Variants in TENM2 observed in about 807,000 individuals in gnomAD.
The protein encoded by TENM2 is teneurin transmembrane protein 2, also known as teneurin-2.
TENM2 carries 52 observed loss-of-function variants against 245.2 expected under a neutral mutation model. That is an observed-to-expected ratio of 0.21 (90% CI 0.17 to 0.27). TENM2 has a LOEUF of 0.27. Among genes scored for constraint, TENM2 ranks in the 10% least tolerant of loss-of-function variants. TENM2 has a pLI of 1.00. For missense variants in TENM2, 3,046 were observed against 3,666.8 expected (o/e 0.83, Z 4.37); for synonymous variants, 1,363 against 1,438.9 (o/e 0.95, Z 1.19).
chr5:167,714,296 T>A (rs1759106677), intron 2 of TENM2, among the ~76,000 whole-genome samples: 1 of 152,270 alleles, frequency 6.6e-6, no homozygotes, highest in African/African-American at 2.4e-5. Context: ...AAGAGAGTTT[T>A]AAGTTGCTTC....
intron 2 of TENM2, among the ~76,000 whole-genome samples, chr5:167,807,647 A>G (rs1766323781): frequency 6.6e-6 from 1 of 150,414 alleles, no homozygotes; most frequent in South Asian, 2.1e-4. Flanking sequence ...AAAGAGACAG[A>G]ACCTCTTAAA....
At chr5:167,822,835 T>C (rs1286299045) in intron 2 of TENM2, among the ~76,000 whole-genome samples, 1 of 152,212 alleles carries the variant, frequency 6.6e-6, no homozygotes, top group Non-Finnish European at 1.5e-5. Context: ...TTAGCATCAG[T>C]ACCAATGCAA....
At chr5:167,108,885 C>T in the TENM2 span, among the ~76,000 whole-genome samples, 2 of 152,138 alleles carry the variant, frequency 1.3e-5, no homozygotes, top group East Asian at 3.9e-4. Flanking sequence ...TAAAGTCAGT[C>T]TTTTGGAGTA....
At chr5:167,741,751 A>T (rs1761190097) in intron 2 of TENM2, among the ~76,000 whole-genome samples, 3 of 152,112 alleles carry the variant, frequency 2.0e-5, no homozygotes, top group Admixed American at 6.6e-5. Context: ...AAGAAGAAAA[A>T]AATCAGACCT....
chr5:167,248,740 T>C, the TENM2 span, among the ~76,000 whole-genome samples: 4 of 151,982 alleles, frequency 2.6e-5, no homozygotes, highest in African/African-American at 9.7e-5. Context: ...TAGTAAATTA[T>C]GGATTTTGGA....
intron 2 of TENM2, among the ~76,000 whole-genome samples, chr5:167,779,912 G>A (rs996630149): frequency 2.6e-5 from 4 of 152,164 alleles, no homozygotes; most frequent in African/African-American, 9.7e-5. Flanking sequence ...GTTACATTTG[G>A]CCACGAACAG....
intron 2 of TENM2, among the ~76,000 whole-genome samples, chr5:167,706,126 G>A (rs968506113): frequency 6.9e-6 from 1 of 144,452 alleles, no homozygotes; most frequent in Admixed American, 7.0e-5. Context: ...AATTATACCA[G>A]TATATATACC....
At chr5:168,124,956 G>C in exon 11 of TENM2, 1 of 1,612,206 alleles carries the variant, frequency 6.2e-7, no homozygotes, top group Admixed American at 1.7e-5. Flanking sequence ...CGAGGGTCCA[G>C]TGCCCAGACC....
At chr5:167,533,400 A>G (rs547415975) in intron 2 of TENM2, among the ~76,000 whole-genome samples, 6 of 152,150 alleles carry the variant, frequency 3.9e-5, no homozygotes, top group Non-Finnish European at 8.8e-5. Context: ...GAGGCAAAGC[A>G]TGCAGAGAAA....
intron 2 of TENM2, among the ~76,000 whole-genome samples, chr5:167,664,996 T>C (rs1046939464): frequency 1.3e-5 from 2 of 152,196 alleles, no homozygotes; most frequent in African/African-American, 4.8e-5. Context: ...TAAAATATGA[T>C]TTCAAGTATC....
At chr5:168,188,207 T>C (rs2152504925) in intron 13 of TENM2, among the ~76,000 whole-genome samples, 1 of 152,312 alleles carries the variant, frequency 6.6e-6, no homozygotes, top group South Asian at 2.1e-4. Flanking sequence ...TGCCAAAAAA[T>C]TACACTGTAG....
chr5:167,547,664 C>T (rs969834374), intron 2 of TENM2, among the ~76,000 whole-genome samples: 1 of 152,242 alleles, frequency 6.6e-6, no homozygotes, highest in Non-Finnish European at 1.5e-5. Context: ...GATGTAGAAA[C>T]GGAGGCTCAA....
At chr5:167,163,264 G>T in the TENM2 span, among the ~76,000 whole-genome samples, 1 of 152,108 alleles carries the variant, frequency 6.6e-6, no homozygotes, top group Non-Finnish European at 1.5e-5. Context: ...ACCACGCCTG[G>T]CTTTTGTTGT....
intron 1 of TENM2, among the ~76,000 whole-genome samples, chr5:167,348,885 A>G (rs968378915): frequency 7.9e-5 from 12 of 152,110 alleles, no homozygotes; most frequent in Non-Finnish European, 1.5e-4. Flanking sequence ...ATTAACTTCA[A>G]CTAGTTTATT....
chr5:167,656,457 A>G (rs1754847478), intron 2 of TENM2, among the ~76,000 whole-genome samples: 1 of 152,170 alleles, frequency 6.6e-6, no homozygotes, highest in South Asian at 2.1e-4. Flanking sequence ...CAGTGAGCAA[A>G]GGCATGGTGG....
intron 5 of TENM2, among the ~76,000 whole-genome samples, chr5:168,007,924 C>T (rs1784946354): frequency 1.3e-5 from 2 of 152,050 alleles, no homozygotes; most frequent in Admixed American, 6.6e-5. Context: ...GGTTGATAAC[C>T]GTAATAGCGA....
At chr5:167,763,813 C>G (rs576951073) in intron 2 of TENM2, among the ~76,000 whole-genome samples, 2 of 152,158 alleles carry the variant, frequency 1.3e-5, no homozygotes, top group Non-Finnish European at 1.5e-5. Flanking sequence ...GGCTCTCCAA[C>G]TTGTTGAGCT....
At chr5:167,228,739 C>G in the TENM2 span, among the ~76,000 whole-genome samples, 9 of 150,706 alleles carry the variant, frequency 6.0e-5, no homozygotes, top group Non-Finnish European at 1.0e-4. Context: ...GAGTCTCGCT[C>G]TGTCGCCCAG....
At chr5:167,384,262 T>C (rs1037912066) in intron 2 of TENM2, among the ~76,000 whole-genome samples, 3 of 152,192 alleles carry the variant, frequency 2.0e-5, no homozygotes, top group African/African-American at 7.2e-5. Flanking sequence ...ATAAACATTA[T>C]ATATGTTAGC....
Sources: gnomAD v4.1 joint callset for allele counts (sites outside exome capture counted in the v4.1 genomes callset) on GRCh38, gnomAD v4.1.1 for gene constraint, MANE v1.5 for transcripts, NCBI Gene and HGNC (gene_info 2026-07-23, HGNC 2026-07-21) for gene names.